HGFAC: variants seen among roughly 807,000 people sequenced by gnomAD.
The protein encoded by HGFAC is hepatocyte growth factor activator serine protease.
HGFAC carries 76 observed loss-of-function variants against 70.6 expected under a neutral mutation model. The observed-to-expected ratio is 1.08, with a 90% CI of 0.89 to 1.30. The LOEUF (loss-of-function observed/expected upper bound fraction) is 1.30, where lower values mean the gene tolerates loss of function less well. HGFAC is among the 50% of genes most tolerant of loss of function. HGFAC has a pLI of 0.00. For missense variants in HGFAC, 1,044 were observed against 933.7 expected (o/e 1.12, Z -1.54); for synonymous variants, 464 against 405.3 (o/e 1.14, Z -1.74).
intron 13 of HGFAC, 36 bp from the exon 14 acceptor site, chr4:3,449,201 C>G (rs757444956): frequency 1.9e-6 from 3 of 1,591,326 alleles, no homozygotes; most frequent in Admixed American, 1.7e-5. Context: ...GAACCAGGCC[C>G]CTGGGAGGGT....
chr4:3,444,746 GC>G lies in HGFAC; in HGVS notation c.841+19del, dbSNP rs1560192608. ...CTCTGCAACATCGGTGAGTGGGTCA[GC>G]CCCCCGGGGTGCCCTGGGGCAGTGC... On this transcript the variant is annotated intron_variant, in intron 7 of 13. Transcript: ENST00000382774. The G allele has an allele frequency of 1.3e-6, 2 of 1,579,850 alleles. No individual in the cohort carries two copies. Among genetic ancestry groups the G allele is most frequent in the Non-Finnish European group, 1.7e-6 (2 of 1,167,088 alleles).
At position 3,446,238 on chromosome 4, in the gene HGFAC, CGG is replaced by C. The variant is rs1321215752; in HGVS notation, c.1301_1302del (p.Gly434GlufsTer111). The C allele has an allele frequency of 2.5e-6, 4 of 1,610,616 alleles. No homozygotes were observed. Among genetic ancestry groups the C allele is most frequent in the Non-Finnish European group, 3.4e-6 (4 of 1,179,356 alleles). On this transcript the variant is annotated frameshift_variant, in exon 10 of 14. Coordinates refer to ENST00000382774, the MANE Select transcript of HGFAC (RefSeq NM_001528.4). LOFTEE classifies it high-confidence loss of function. The stretch of plus-strand genomic sequence containing the variant: ...TCTACATCGGGGACAGCTTCTGCGC[CGG>C]GAGCCTGGTCCACACCTGCTGGGTG... ...AIYIGDSFCA[G>X]SLVHTCWVVS...
upstream of HGFAC, among the ~76,000 whole-genome samples, chr4:3,441,039 C>T (rs928336731): frequency 6.6e-6 from 1 of 152,142 alleles, no homozygotes; most frequent in African/African-American, 2.4e-5. The surrounding 1 kb of genome is among the most constrained non-coding windows in gnomAD (Gnocchi z 6.0). Flanking sequence ...CCCACCTCGG[C>T]AGCCCTGGGA....
chr4:3,448,118 T>A lies in HGFAC; in HGVS notation c.1637-10T>A, dbSNP rs1264011801. 3.2e-6 allele frequency: 5 copies of A among 1,583,558 alleles called. No individual in the cohort carries two copies. Among genetic ancestry groups the A allele is most frequent in the Middle Eastern group, 3.7e-4 (2 of 5,422 alleles). ...TGTGGGTGTCACGCTGAGGGCATTG[T>A]GTCCCACAGACGTGAGCGGCTACTC... is the stretch of plus-strand genomic sequence containing the variant. On this transcript the variant is annotated splice_polypyrimidine_tract_variant and intron_variant, in intron 12 of 13. Transcript: ENST00000382774.
rs763372648 is a variant in HGFAC at position 3,444,150 on chromosome 4, A to C, written c.587A>C (p.Asp196Ala). 1 of 1,608,926 alleles carries C rather than the reference A, an allele frequency of 6.2e-7. No individual in the cohort carries two copies. Residue 196 changes from aspartate (D) to alanine (A), a missense_variant, in exon 5 of 14, where the codon GAC becomes GCC. Physicochemically the swap from Asp to Ala is moderately radical, Grantham distance 126. Coordinates refer to ENST00000382774, the MANE Select transcript of HGFAC (RefSeq NM_001528.4). The part of the protein sequence containing the change: ...CSCPRAFTGK[D>A]CGTEKCFDET... ...TGCCCCCGGGCCTTCACCGGCAAGG[A>C]CTGCGGCACAGGTGAGCTGGGCCTC...
Position 3,444,392 on chromosome 4 carries a change from A to C in HGFAC, c.680A>C (p.Gln227Pro). The C allele has an allele frequency of 6.2e-7, 1 of 1,605,612 alleles. No homozygotes were observed. The highest frequency in any genetic ancestry group is 8.5e-7 in the Non-Finnish European group (1 of 1,177,354). The stretch of plus-strand genomic sequence containing the variant: ...CGCGTGCGCCAGGGCCACGTGGAAC[A>C]GTGCGAGTGCTTCGGGGGCCGGACC... ...WARVRQGHVE[Q>P]CECFGGRTWC... Residue 227 changes from glutamine to proline, a missense_variant, in exon 6 of 14, where the codon CAG becomes CCG. Gln to Pro is a moderately conservative substitution (Grantham distance 76). Coordinates refer to ENST00000382774, the MANE Select transcript of HGFAC (RefSeq NM_001528.4).
chr4:3,448,070 G>T lies in HGFAC; in HGVS notation c.1636+35G>T, dbSNP rs1223265614. 3.8e-6 allele frequency: 6 copies of T among 1,558,518 alleles called. No homozygotes were observed. In the African/African-American group the frequency reaches 8.2e-5, roughly 21 times the overall value. On this transcript the variant is annotated intron_variant, in intron 12 of 13. Transcript: ENST00000382774. ...GAGGGGGGCGCCCAGCGCCCCGCCA[G>T]GGTGGACAGTGGCCAGCCACAGTGT...
rs1725429398 is a variant in HGFAC, at chr4:3,444,535, C to T, written c.731-88C>T. The T allele has an allele frequency of 2.0e-6, 3 of 1,503,102 alleles. No homozygotes were observed. The South Asian group carries it at 3.9e-5, about 19-fold the overall frequency. 93.1% of individuals were successfully genotyped at this position (1,503,102 alleles called of 1,614,324 possible). A position where few individuals can be genotyped will look rare whatever the true frequency, so the allele number is the denominator to read the frequency against. On this transcript the variant is annotated intron_variant, in intron 6 of 13. Transcript: ENST00000382774. ...GGAATGGCCTGAGGTCACCCAGAAA[C>T]AAGGGACAAGGGGTGGACCCCGGCC...
rs772637671 is a variant in HGFAC at position 3,449,303 on chromosome 4, T to C, written c.1852T>C (p.Trp618Arg). 8.1e-6 allele frequency: 13 copies of C among 1,612,288 alleles called. No individual in the cohort carries two copies. Among genetic ancestry groups the C allele is most frequent in the Non-Finnish European group, 1.1e-5 (13 of 1,179,672 alleles). The change falls in exon 14 of 14, where the codon TGG (tryptophan) becomes CGG (arginine). Residue 618 changes from tryptophan (W) to arginine (R), a missense_variant. Coordinates refer to ENST00000382774, the MANE Select transcript of HGFAC (RefSeq NM_001528.4). Reference sequence around the variant, plus strand: ...GGCTTACCTCTACGGCATCATCAGCTGGGGTGACGGCTGCGGGCGGCTCCA... The same window carrying C: ...GGCTTACCTCTACGGCATCATCAGCCGGGGTGACGGCTGCGGGCGGCTCCA... ...GVAYLYGIIS[W>R]GDGCGRLHKP...
chr4:3,448,546 C>A (rs879353786), intron 13 of HGFAC, among the ~76,000 whole-genome samples: 3 of 152,224 alleles, frequency 2.0e-5, no homozygotes, highest in Non-Finnish European at 2.9e-5. Context: ...CCGGACAGTT[C>A]CTGGCTGTCC....
chr4:3,445,354 C>A lies in HGFAC; in HGVS notation c.1102+4C>A. On this transcript the variant is annotated splice_donor_region_variant and intron_variant, in intron 9 of 13. Transcript: ENST00000382774. The stretch of plus-strand genomic sequence containing the variant: ...TACTGCCGCCTGGAGGCCTGCGGTG[C>A]GCGGCTGGCGGGGGGTGCTGCCTTG... 6.4e-7 allele frequency: 1 copy of A among 1,561,298 alleles called. No homozygotes were observed. The highest frequency in any genetic ancestry group is 8.7e-7 in the Non-Finnish European group (1 of 1,152,846).
chr4:3,445,122 G>T, intron 8 of HGFAC, 129 bp downstream of exon 8: 1 of 1,331,576 alleles, frequency 7.5e-7, no homozygotes, highest in Non-Finnish European at 1.0e-6. Flanking sequence ...ACCTCTGCCT[G>T]GGAGGCTGCC....
chr4:3,443,901 C>T (rs1013261137), intron 4 of HGFAC, 138 bp from the exon 5 acceptor site: 5 of 927,368 alleles, frequency 5.4e-6, no homozygotes, highest in East Asian at 5.3e-5. Flanking sequence ...CCTTGCACCC[C>T]GAGGGGCGTA....
At chr4:3,446,340 A>G (rs1398862818) in intron 10 of HGFAC, 46 bp downstream of exon 10, 1 of 1,577,078 alleles carries the variant, frequency 6.3e-7, no homozygotes, top group African/African-American at 1.3e-5. Context: ...GGCCCCACAC[A>G]CCATCCAGCG....
intron 9 of HGFAC, chr4:3,445,715 C>T (rs1577125887): frequency 1.4e-6 from 1 of 710,116 alleles, no homozygotes; most frequent in East Asian, 2.7e-5. Flanking sequence ...TCCCTAGGAC[C>T]CCGGCGGGGC....
In HGFAC at chr4:3,449,447, C is replaced by T; in HGVS notation, c.*28C>T. 1 of 1,492,964 alleles carries T rather than the reference C, an allele frequency of 6.7e-7. No homozygotes were observed. The highest frequency in any genetic ancestry group is 8.9e-7 in the Non-Finnish European group (1 of 1,118,498). The allele number at this position is 1,492,964 out of a possible 1,614,324, so 92.5% of individuals were successfully genotyped here. A position where few individuals can be genotyped will look rare whatever the true frequency, so the allele number is the denominator to read the frequency against. Reference sequence around the variant, plus strand: ...CTCCAGCGGGACACCCTGGTTCCCACCATTCCCTGCCTTGCTGACAATAAA... The same window carrying T: ...CTCCAGCGGGACACCCTGGTTCCCATCATTCCCTGCCTTGCTGACAATAAA... On this transcript the variant is annotated 3_prime_UTR_variant, in exon 14 of 14. Coordinates refer to ENST00000382774, the MANE Select transcript of HGFAC (RefSeq NM_001528.4).
chr4:3,448,011 G>T lies in HGFAC; in HGVS notation c.1612G>T (p.Ala538Ser). The T allele has an allele frequency of 1.3e-6, 2 of 1,564,320 alleles. No individual in the cohort carries two copies. Among genetic ancestry groups the T allele is most frequent in the Non-Finnish European group, 8.7e-7 (1 of 1,155,202 alleles). Residue 538 changes from alanine to serine, a missense_variant, in exon 12 of 14, where the codon GCG (alanine) becomes TCG (serine). Ala to Ser is a moderately conservative substitution (Grantham distance 99). Transcript: ENST00000382774. Reference sequence around the variant, plus strand: ...CCCCGCAGGACACAAGTGCCAGATTGCGGGCTGGGGCCACTTGGATGAGAG... The same window carrying T: ...CCCCGCAGGACACAAGTGCCAGATTTCGGGCTGGGGCCACTTGGATGAGAG... Reference protein sequence around the residue: ...TFPAGHKCQIAGWGHLDENVS... With the variant: ...TFPAGHKCQISGWGHLDENVS...
At chr4:3,445,853 G>T in intron 9 of HGFAC, 189 bp from the exon 10 acceptor site, 6 of 1,535,246 alleles carry the variant, frequency 3.9e-6, no homozygotes, top group Non-Finnish European at 5.3e-6. Flanking sequence ...CCTCGGGATC[G>T]GGCATCAAAC....
At position 3,444,616 on chromosome 4, in the gene HGFAC, C is replaced by T. The variant is rs752606180; in HGVS notation, c.731-7C>T. The T allele has an allele frequency of 3.8e-6, 6 of 1,586,370 alleles. No homozygotes were observed. In the East Asian group the frequency reaches 9.0e-5, roughly 24 times the overall value. On this transcript the variant is annotated splice_region_variant and splice_polypyrimidine_tract_variant and intron_variant, in intron 6 of 13. Transcript: ENST00000382774. ...CCCCTGGCCCAGCTCCTCGGCCCTG[C>T]CCCCAGCTTGTCTGAGCAGCCCTTG...
Sources: gnomAD v4.1 joint callset for allele counts (sites outside exome capture counted in the v4.1 genomes callset) on GRCh38, gnomAD v4.1.1 for gene constraint, Gnocchi (gnomAD v3.1) non-coding constraint, MANE v1.5 for transcripts, NCBI Gene and HGNC (gene_info 2026-07-23, HGNC 2026-07-21) for gene names.